The following CFAP299 variants were observed in gnomAD, a reference collection of about 807,000 sequenced individuals.
The protein encoded by CFAP299 is cilia and flagella associated protein 299.
CFAP299 carries 21 observed loss-of-function variants against 27.0 expected under a neutral mutation model. That is an observed-to-expected ratio of 0.78 (90% CI 0.55 to 1.12). The LOEUF (loss-of-function observed/expected upper bound fraction) is 1.12, where lower values mean the gene tolerates loss of function less well. Ranked by LOEUF, CFAP299 falls within the 50% of genes most tolerant of loss-of-function variation. The pLI, the probability that CFAP299 is intolerant of heterozygous loss-of-function variation, is 0.00. For synonymous variants in CFAP299, 104 were observed against 98.1 expected (o/e 1.06, Z -0.36); for missense variants, 310 against 276.6 (o/e 1.12, Z -0.86).
intron 2 of CFAP299, among the ~76,000 whole-genome samples, chr4:80,505,716 G>T (rs1731994150): frequency 6.6e-6 from 1 of 152,082 alleles, no homozygotes; most frequent in Non-Finnish European, 1.5e-5. Context: ...GCAAAGGGTT[G>T]ATGTATATAG....
intron 4 of CFAP299, among the ~76,000 whole-genome samples, chr4:80,916,992 A>C (rs1311583098): frequency 6.6e-6 from 1 of 152,138 alleles, no homozygotes; most frequent in Non-Finnish European, 1.5e-5. Flanking sequence ...GAAGAGCAAA[A>C]AAAGGGTCAA....
At chr4:80,956,927 A>G (rs1738100548) in intron 5 of CFAP299, among the ~76,000 whole-genome samples, 1 of 152,112 alleles carries the variant, frequency 6.6e-6, no homozygotes, top group Non-Finnish European at 1.5e-5. Flanking sequence ...TTTGTCATGC[A>G]AAATTTTTAA....
At chr4:80,480,294 G>A (rs1393056175) in intron 2 of CFAP299, among the ~76,000 whole-genome samples, 3 of 151,900 alleles carry the variant, frequency 2.0e-5, no homozygotes, top group Non-Finnish European at 2.9e-5. Context: ...GTTTATTTGA[G>A]CAAATAGTGA....
chr4:80,454,936 C>T (rs1055783959), intron 2 of CFAP299, among the ~76,000 whole-genome samples: 1 of 152,120 alleles, frequency 6.6e-6, no homozygotes, highest in Admixed American at 6.6e-5. Context: ...AAGCCTCTTG[C>T]ACTAAGTCAG....
At chr4:80,741,011 A>G (rs1461031678) in intron 3 of CFAP299, among the ~76,000 whole-genome samples, 2 of 152,170 alleles carry the variant, frequency 1.3e-5, no homozygotes, top group Admixed American at 6.5e-5. Flanking sequence ...TGGTGACCCC[A>G]AGAGCTTGCT....
chr4:80,531,280 A>C (rs986725642), intron 2 of CFAP299, among the ~76,000 whole-genome samples: 1 of 152,104 alleles, frequency 6.6e-6, no homozygotes, highest in African/African-American at 2.4e-5. Flanking sequence ...ATGCTTTAAA[A>C]TTTTTGCCTT....
intron 4 of CFAP299, among the ~76,000 whole-genome samples, chr4:80,941,945 A>C (rs543400958): frequency 5.9e-5 from 9 of 152,314 alleles, no homozygotes; most frequent in African/African-American, 1.9e-4. Flanking sequence ...ACCTCCTGCC[A>C]GGCCCCACCT....
At chr4:80,689,225 C>T (rs1720468669) in intron 3 of CFAP299, among the ~76,000 whole-genome samples, 1 of 152,002 alleles carries the variant, frequency 6.6e-6, no homozygotes, top group Non-Finnish European at 1.5e-5. Context: ...AGAGCAACTC[C>T]AAGACACATA....
chr4:80,744,165 G>A (rs1184745313), intron 3 of CFAP299, among the ~76,000 whole-genome samples: 1 of 152,076 alleles, frequency 6.6e-6, no homozygotes, highest in Non-Finnish European at 1.5e-5. Flanking sequence ...GTAGGAAAAC[G>A]CTATGGCAGT....
chr4:80,872,858 T>G (rs1323516021), intron 4 of CFAP299: 17 of 937,970 alleles, frequency 1.8e-5, no homozygotes, highest in Non-Finnish European at 2.0e-5. Context: ...TTTTGGATAT[T>G]GATTAATCCT....
intron 2 of CFAP299, among the ~76,000 whole-genome samples, chr4:80,378,591 C>A (rs1724542109): frequency 1.3e-5 from 2 of 151,754 alleles, no homozygotes; most frequent in African/African-American, 2.4e-5. Context: ...TCCTACTAAT[C>A]CTAGTTTACC....
intron 3 of CFAP299, among the ~76,000 whole-genome samples, chr4:80,798,228 G>T (rs1727983348): frequency 6.6e-6 from 1 of 152,058 alleles, no homozygotes; most frequent in South Asian, 2.1e-4. Context: ...CTCCTGGTGA[G>T]AATCAACATT....
At chr4:80,878,300 T>A (rs1733523340) in intron 4 of CFAP299, among the ~76,000 whole-genome samples, 1 of 152,136 alleles carries the variant, frequency 6.6e-6, no homozygotes, top group African/African-American at 2.4e-5. Context: ...ACTTGTCTGA[T>A]TGTTTCCTTG....
At chr4:80,387,019 G>T in intron 2 of CFAP299, 2 of 1,238,568 alleles carry the variant, frequency 1.6e-6, no homozygotes, top group Non-Finnish European at 2.4e-6. Context: ...AGATGACGCT[G>T]CAGGTAGCGT....
chr4:80,344,213 G>GT lies in CFAP299; in HGVS notation c.111+8340dup, dbSNP rs1292734654. Among the ~76,000 whole-genome samples the GT allele has an allele frequency of 1.9e-4, 29 of 151,644 alleles. 1 individual carries two copies. Among genetic ancestry groups the GT allele is most frequent in the Admixed American group, 6.6e-4 (10 of 15,206 alleles). On this transcript the variant is annotated intron_variant, in intron 1 of 5. Transcript: ENST00000358105. ...AAAAAATCAACAAATCCAGGAACTA[G>GT]TTTTTTGAAAAAATTAATAAGATAG...
chr4:80,608,232 C>A, intron 3 of CFAP299: 1 of 697,154 alleles, frequency 1.4e-6, no homozygotes, highest in Non-Finnish European at 2.3e-6. Flanking sequence ...TAACTGATTC[C>A]AACAGTACCA....
chr4:80,423,488 G>A (rs1157492127), intron 2 of CFAP299, among the ~76,000 whole-genome samples: 1 of 152,146 alleles, frequency 6.6e-6, no homozygotes, highest in African/African-American at 2.4e-5. Flanking sequence ...TCCTGAGGCT[G>A]GTATTGTTTT....
At chr4:80,358,240 G>A (rs1207754516) in intron 1 of CFAP299, among the ~76,000 whole-genome samples, 1 of 152,124 alleles carries the variant, frequency 6.6e-6, no homozygotes, top group African/African-American at 2.4e-5. Flanking sequence ...ATTTGCTGAG[G>A]AGTGTTTTAC....
chr4:80,773,792 T>G lies in CFAP299; in HGVS notation c.334-96201T>G, dbSNP rs181220877. Reference sequence around the variant, plus strand: ...TTAAGTGTACATTTGAGTAATCTTTTAGAAATTGTAATTTCTTAGGTCAAA... The same window carrying G: ...TTAAGTGTACATTTGAGTAATCTTTGAGAAATTGTAATTTCTTAGGTCAAA... On this transcript the variant is annotated intron_variant, in intron 3 of 5. Transcript: ENST00000358105. Among the ~76,000 whole-genome samples the G allele has an allele frequency of 2.5e-3, 382 of 152,152 alleles. 1 individual carries two copies. Among genetic ancestry groups the G allele is most frequent in the African/African-American group, 8.7e-3 (361 of 41,556 alleles).
Sources: allele counts gnomAD v4.1 joint callset (sites outside exome capture counted in the v4.1 genomes callset), GRCh38; gene constraint gnomAD v4.1.1; transcripts MANE v1.5; gene names NCBI Gene and HGNC (gene_info 2026-07-23, HGNC 2026-07-21).